PTH2R: variants seen among roughly 807,000 people sequenced by gnomAD.
PTH2R encodes the protein parathyroid hormone 2 receptor.
In PTH2R, 59 loss-of-function variants were observed where a neutral mutation model predicts 60.3. The observed-to-expected ratio is 0.98, with a 90% CI of 0.79 to 1.22. The LOEUF is 1.22. Among genes scored for constraint, PTH2R ranks in the 50% most tolerant of loss-of-function variants. The probability of loss-of-function intolerance (pLI) is 0.00; values close to 1 mark genes in which losing one functional copy is unlikely to be tolerated. For missense variants in PTH2R, 749 were observed against 682.6 expected (o/e 1.10, Z -1.08); for synonymous variants, 256 against 243.8 (o/e 1.05, Z -0.47).
chr2:208,364,285 T>C (rs1243967198), intron 1 of PTH2R, among the ~76,000 whole-genome samples: 3 of 152,214 alleles, frequency 2.0e-5, no homozygotes, highest in African/African-American at 7.2e-5. Flanking sequence ...TCCAAGAATG[T>C]GGAATGTGTC....
At chr2:208,481,969 T>C (rs988644270) in intron 10 of PTH2R, among the ~76,000 whole-genome samples, 16 of 152,232 alleles carry the variant, frequency 1.1e-4, no homozygotes, top group South Asian at 2.1e-4. Context: ...TGTGTGCATT[T>C]TGCATAATTA....
intron 1 of PTH2R, among the ~76,000 whole-genome samples, chr2:208,378,774 G>A (rs750464195): frequency 1.3e-5 from 2 of 152,118 alleles, no homozygotes; most frequent in Non-Finnish European, 2.9e-5. Context: ...CCAGTCTAAG[G>A]TATTTTTGTT....
chr2:208,401,417 T>A (rs1416121102), intron 1 of PTH2R, among the ~76,000 whole-genome samples: 1 of 152,070 alleles, frequency 6.6e-6, no homozygotes, highest in Non-Finnish European at 1.5e-5. Flanking sequence ...CTAGTCTTGT[T>A]CTTTTGTCCT....
chr2:208,429,810 C>A (rs1701934278), intron 2 of PTH2R, among the ~76,000 whole-genome samples: 1 of 152,160 alleles, frequency 6.6e-6, no homozygotes, highest in Non-Finnish European at 1.5e-5. Context: ...TGTATATTTA[C>A]ATTTCAGGAG....
chr2:208,491,884 G>C (rs1474740974), intron 12 of PTH2R, among the ~76,000 whole-genome samples: 1 of 152,120 alleles, frequency 6.6e-6, no homozygotes, highest in Non-Finnish European at 1.5e-5. Context: ...TTGTTAGAAG[G>C]GAAGTGATTT....
At chr2:208,462,859 G>A (rs1465260621) in intron 9 of PTH2R, among the ~76,000 whole-genome samples, 6 of 152,186 alleles carry the variant, frequency 3.9e-5, no homozygotes, top group Admixed American at 6.5e-5. Context: ...CTGCAAAGGA[G>A]GCCGGGCCAG....
intron 8 of PTH2R, among the ~76,000 whole-genome samples, chr2:208,453,524 C>T (rs1241175802): frequency 6.6e-6 from 1 of 152,186 alleles, no homozygotes; most frequent in Non-Finnish European, 1.5e-5. Flanking sequence ...ATTTTTCCAA[C>T]AAACCATGAA....
At chr2:208,434,359 C>A (rs996733455) in intron 2 of PTH2R, among the ~76,000 whole-genome samples, 1 of 151,772 alleles carries the variant, frequency 6.6e-6, no homozygotes, top group Non-Finnish European at 1.5e-5. Context: ...TTTTTTCAAC[C>A]TTTTGTGAAC....
chr2:208,360,282 G>T (rs759175375), intron 1 of PTH2R: 1 of 407,774 alleles, frequency 2.5e-6, no homozygotes, highest in Non-Finnish European at 4.9e-6. Flanking sequence ...TGCGTGAGCA[G>T]CCCCTACGGG....
intron 9 of PTH2R, among the ~76,000 whole-genome samples, chr2:208,477,944 TAGTACTAGC>T (rs1358935024): frequency 1.7e-4 from 6 of 34,752 alleles, no homozygotes; most frequent in Admixed American, 7.9e-4. Context: ...CTACTACTAG[TAGTACTAGC>T]ACTACTACTA....
intron 4 of PTH2R, 63 bp downstream of exon 4, chr2:208,437,944 C>T: frequency 6.4e-7 from 1 of 1,556,376 alleles, no homozygotes; most frequent in Admixed American, 1.7e-5. Flanking sequence ...TAATGCAATT[C>T]TCAATTGCCA....
At chr2:208,412,854 T>C (rs1701568073) in intron 1 of PTH2R, among the ~76,000 whole-genome samples, 1 of 152,222 alleles carries the variant, frequency 6.6e-6, no homozygotes, top group Non-Finnish European at 1.5e-5. Context: ...TTCTATTTAG[T>C]CTTTGTCTAT....
intron 1 of PTH2R, among the ~76,000 whole-genome samples, chr2:208,369,335 A>G (rs531582310): frequency 1.1e-4 from 16 of 148,302 alleles, no homozygotes; most frequent in African/African-American, 4.0e-4. Flanking sequence ...TTCCACCACT[A>G]TGACCTTGTC....
chr2:208,430,707 C>T (rs184040598), intron 2 of PTH2R, among the ~76,000 whole-genome samples: 55 of 152,160 alleles, frequency 3.6e-4, no homozygotes, highest in Non-Finnish European at 6.8e-4. Context: ...CCACCACATC[C>T]GGCTAATTTT....
chr2:208,493,268 A>T lies in PTH2R; in HGVS notation c.1262A>T (p.Gln421Leu). ...IIYCYCNGEV[Q>L]AEVKKMWSRW... ...AGCATGTTTCTCGTGGCTTAGGTTC[A>T]GGCAGAGGTGAAGAAGATGTGGAGT... is the stretch of plus-strand genomic sequence containing the variant. Residue 421 changes from glutamine (Q) to leucine (L), a missense_variant, in exon 13 of 13, where the codon CAG (glutamine) becomes CTG (leucine). Coordinates refer to ENST00000272847, the MANE Select transcript of PTH2R (RefSeq NM_005048.4). The T allele has an allele frequency of 6.6e-7, 1 of 1,505,090 alleles. No homozygotes were observed. Among genetic ancestry groups the T allele is most frequent in the Non-Finnish European group, 8.9e-7 (1 of 1,124,788 alleles). The allele number at this position is 1,505,090 out of a possible 1,614,324, so 93.2% of individuals were successfully genotyped here.
chr2:208,452,193 T>C (rs566665425), intron 8 of PTH2R, among the ~76,000 whole-genome samples: 2 of 152,318 alleles, frequency 1.3e-5, no homozygotes, highest in East Asian at 3.9e-4. Flanking sequence ...GAACAGCAGA[T>C]GTACAACCTA....
At chr2:208,483,337 TA>T (rs755432567) in intron 10 of PTH2R, among the ~76,000 whole-genome samples, 8 of 152,208 alleles carry the variant, frequency 5.3e-5, no homozygotes, top group Non-Finnish European at 1.2e-4. Context: ...GATAGAATAA[TA>T]AAAAATGTAA....
At chr2:208,383,537 A>G (rs1375807605) in intron 1 of PTH2R, among the ~76,000 whole-genome samples, 2 of 152,254 alleles carry the variant, frequency 1.3e-5, no homozygotes, top group Non-Finnish European at 2.9e-5. Context: ...TGGAACATTC[A>G]ATCACAACTC....
intron 1 of PTH2R, among the ~76,000 whole-genome samples, chr2:208,367,070 A>G (rs1292714294): frequency 6.6e-6 from 1 of 151,260 alleles, no homozygotes; most frequent in African/African-American, 2.4e-5. Flanking sequence ...ATTTTGAATC[A>G]TTCATGGCTC....
Sources: gnomAD v4.1 joint callset for allele counts (sites outside exome capture counted in the v4.1 genomes callset) on GRCh38, gnomAD v4.1.1 for gene constraint, MANE v1.5 for transcripts, NCBI Gene and HGNC (gene_info 2026-07-23, HGNC 2026-07-21) for gene names.